Variants in PCCA observed in about 807,000 individuals in gnomAD.
PCCA encodes the protein propionyl-CoA carboxylase alpha chain, mitochondrial.
Under a neutral mutation model 101.3 loss-of-function variants are expected in PCCA, and 74 were observed. The observed-to-expected ratio is 0.73, with a 90% CI of 0.61 to 0.89. The LOEUF (loss-of-function observed/expected upper bound fraction) is 0.89. Ranked by LOEUF, PCCA falls within the 40% of genes least tolerant of loss-of-function variation. The probability of loss-of-function intolerance (pLI) is 0.00; values close to 1 mark genes in which losing one functional copy is unlikely to be tolerated. For synonymous variants in PCCA, 294 were observed against 313.6 expected (o/e 0.94, Z 0.66); for missense variants, 891 against 907.0 (o/e 0.98, Z 0.23).
intron 8 of PCCA, among the ~76,000 whole-genome samples, chr13:100,249,790 A>T (rs2061650289): frequency 6.6e-6 from 1 of 152,132 alleles, no homozygotes; most frequent in Non-Finnish European, 1.5e-5. Context: ...CACTGTATGT[A>T]TTTTAAGATT....
intron 6 of PCCA, among the ~76,000 whole-genome samples, chr13:100,179,612 C>CT (rs1483861683): frequency 2.6e-5 from 4 of 152,280 alleles, no homozygotes; most frequent in African/African-American, 9.6e-5. Flanking sequence ...ACCATGCTTT[C>CT]TTTATCATGT....
At chr13:100,413,056 A>C (rs1219493449) in intron 19 of PCCA, among the ~76,000 whole-genome samples, 3 of 152,228 alleles carry the variant, frequency 2.0e-5, no homozygotes, top group Non-Finnish European at 4.4e-5. Context: ...GAGGCTAAAA[A>C]ACAGAATGCA....
chr13:100,368,043 T>C (rs1373482252), intron 18 of PCCA, among the ~76,000 whole-genome samples: 1 of 152,140 alleles, frequency 6.6e-6, no homozygotes, highest in Admixed American at 6.5e-5. Flanking sequence ...TGAAGAAACA[T>C]TCTATAAGTA....
chr13:100,204,148 G>A lies in PCCA; in HGVS notation c.469-5184G>A, dbSNP rs1188355100. On this transcript the variant is annotated intron_variant, in intron 6 of 23. Coordinates refer to ENST00000376285, the MANE Select transcript of PCCA (RefSeq NM_000282.4). ...TTTCCGTGGCTTTTTTTTTTTTTTC[G>A]AGACAGGGTCTTGCTCTGTCATCCA... Among the ~76,000 whole-genome samples, 5 of 138,860 alleles carry A rather than the reference G, an allele frequency of 3.6e-5. No homozygotes were observed. In the East Asian group the frequency reaches 6.2e-4, roughly 17 times the overall value. The allele number at this position is 138,860 out of a possible 152,430, so 91.1% of individuals were successfully genotyped here. A position where few individuals can be genotyped will look rare whatever the true frequency, so the allele number is the denominator to read the frequency against.
chr13:100,432,161 A>G (rs2079603139), intron 20 of PCCA, among the ~76,000 whole-genome samples: 1 of 152,016 alleles, frequency 6.6e-6, no homozygotes, highest in Non-Finnish European at 1.5e-5. Flanking sequence ...AAATAAATAA[A>G]TAAATAAATA....
At chr13:100,475,923 C>T (rs887293754) in intron 21 of PCCA, among the ~76,000 whole-genome samples, 1 of 152,096 alleles carries the variant, frequency 6.6e-6, no homozygotes, top group Non-Finnish European at 1.5e-5. Context: ...GCAGAAGTAG[C>T]CCAAATTGTG....
chr13:100,374,717 C>T (rs1351905169), intron 19 of PCCA, among the ~76,000 whole-genome samples: 1 of 152,072 alleles, frequency 6.6e-6, no homozygotes. Context: ...ACTATACATG[C>T]ACTTTTTGAA....
chr13:100,102,707 G>C (rs2047382886), intron 1 of PCCA, among the ~76,000 whole-genome samples, 176 bp from the exon 2 acceptor site: 1 of 152,178 alleles, frequency 6.6e-6, no homozygotes. Flanking sequence ...TACATACCAA[G>C]GGGCTGTGTC....
intron 20 of PCCA, among the ~76,000 whole-genome samples, 186 bp downstream of exon 20, chr13:100,425,917 T>C (rs2079112654): frequency 6.6e-6 from 1 of 152,240 alleles, no homozygotes. Flanking sequence ...GAGCATTTAA[T>C]GTTTTCTTTT....
chr13:100,255,432 G>A lies in PCCA; in HGVS notation c.638-2163G>A, dbSNP rs569957073. Among the ~76,000 whole-genome samples, 5 of 152,260 alleles carry A rather than the reference G, an allele frequency of 3.3e-5. No individual in the cohort carries two copies. In the South Asian group the frequency reaches 1.0e-3, roughly 32 times the overall value. ...GGTCCTTAGTAAATGACTAAAATGC[G>A]ATTAGTACTGGAACCAGAAAAACTG... On this transcript the variant is annotated intron_variant, in intron 8 of 23. Transcript: ENST00000376285.
chr13:100,140,794 T>G (rs1594323264), intron 4 of PCCA, among the ~76,000 whole-genome samples: 2 of 152,092 alleles, frequency 1.3e-5, no homozygotes, highest in African/African-American at 4.8e-5. Context: ...TGGCCAGGGG[T>G]GTTTCTTGAA....
At chr13:100,382,803 A>G (rs56404763) in intron 19 of PCCA, among the ~76,000 whole-genome samples, 3,892 of 152,326 alleles carry the variant, frequency 0.026, 183 homozygotes, top group African/African-American at 0.089. Flanking sequence ...GGAGATATCC[A>G]TGTAAACAAT....
chr13:100,419,338 G>T (rs933055174), intron 19 of PCCA, among the ~76,000 whole-genome samples: 1 of 151,942 alleles, frequency 6.6e-6, no homozygotes, highest in African/African-American at 2.4e-5. Flanking sequence ...CAGGTGTGGT[G>T]GTGGGCGCCT....
chr13:100,360,023 T>C (rs1363835463), intron 18 of PCCA, among the ~76,000 whole-genome samples: 1 of 152,194 alleles, frequency 6.6e-6, no homozygotes, highest in Admixed American at 6.5e-5. Flanking sequence ...AAGACATACC[T>C]GAGACTGGAC....
At chr13:100,297,536 G>T (rs979444341) in intron 12 of PCCA, among the ~76,000 whole-genome samples, 2 of 152,170 alleles carry the variant, frequency 1.3e-5, no homozygotes, top group Non-Finnish European at 2.9e-5. Context: ...TGACAAGCTT[G>T]GTTATATTTT....
At chr13:100,274,524 G>T (rs2063510654) in intron 12 of PCCA, among the ~76,000 whole-genome samples, 1 of 152,136 alleles carries the variant, frequency 6.6e-6, no homozygotes, top group Non-Finnish European at 1.5e-5. Context: ...CTATCATGCA[G>T]GTTCCAGCCG....
At chr13:100,362,567 G>T (rs1335471572) in intron 18 of PCCA, among the ~76,000 whole-genome samples, 1 of 152,166 alleles carries the variant, frequency 6.6e-6, no homozygotes, top group African/African-American at 2.4e-5. Context: ...GAGACATGGG[G>T]TCTGCTGGGG....
At chr13:100,150,389 A>T (rs2053154474) in intron 4 of PCCA, 1 of 288,622 alleles carries the variant, frequency 3.5e-6, no homozygotes, top group South Asian at 1.5e-4. Context: ...TTTTATTTTT[A>T]TTATTTTTAA....
In PCCA at chr13:100,309,786, G is replaced by A. The variant is rs531873276; in HGVS notation, c.1354-47G>A. 110 of 1,189,988 alleles carry A rather than the reference G, an allele frequency of 9.2e-5. No individual in the cohort carries two copies. The African/African-American group carries it at 1.6e-3, about 17-fold the overall frequency. 73.7% of individuals were successfully genotyped at this position (1,189,988 alleles called of 1,614,324 possible). On this transcript the variant is annotated intron_variant, in intron 15 of 23. Transcript: ENST00000376285. ...TTACTAAAATGAATCATTTAACATAGTTCTAAATATATATATATATTGGGT... is the reference window on the plus strand; with the variant it reads ...TTACTAAAATGAATCATTTAACATAATTCTAAATATATATATATATTGGGT...
Sources: allele counts gnomAD v4.1 joint callset (sites outside exome capture counted in the v4.1 genomes callset), GRCh38; gene constraint gnomAD v4.1.1; transcripts MANE v1.5; gene names NCBI Gene and HGNC (gene_info 2026-07-23, HGNC 2026-07-21).